The following PPARGC1A variants were observed in gnomAD, a reference collection of about 807,000 sequenced individuals.
PPARGC1A encodes peroxisome proliferator-activated receptor gamma coactivator 1-alpha.
In PPARGC1A, 25 loss-of-function variants were observed where a neutral mutation model predicts 88.7. The ratio of observed to expected loss-of-function variants is 0.28; its 90% CI spans 0.21 to 0.39. PPARGC1A has a LOEUF of 0.39. PPARGC1A is among the 10% of genes least tolerant of loss of function. PPARGC1A has a pLI of 1.00. For synonymous variants in PPARGC1A, 363 were observed against 355.6 expected, an observed-to-expected ratio of 1.02 and a Z score of -0.24; for missense variants, 880 against 968.7, an observed-to-expected ratio of 0.91 and a Z score of 1.22.
chr4:24,211,898 C>G, the PPARGC1A span, among the ~76,000 whole-genome samples: 3 of 152,228 alleles, frequency 2.0e-5, no homozygotes, highest in South Asian at 6.2e-4. Flanking sequence ...ATGCTATTTC[C>G]TACTGTTTCA....
At chr4:23,895,201 C>A (rs1718402928) in intron 1 of PPARGC1A, among the ~76,000 whole-genome samples, 1 of 141,802 alleles carries the variant, frequency 7.1e-6, no homozygotes. Flanking sequence ...TCCCGTGATA[C>A]TTATTTTTTA....
the PPARGC1A span, among the ~76,000 whole-genome samples, chr4:24,041,621 GT>G: frequency 6.6e-6 from 1 of 152,018 alleles, no homozygotes; most frequent in East Asian, 1.9e-4. Flanking sequence ...CCTGTTGAGG[GT>G]TACACACCCC....
At chr4:24,326,596 T>C in the PPARGC1A span, among the ~76,000 whole-genome samples, 1 of 152,196 alleles carries the variant, frequency 6.6e-6, no homozygotes, top group African/African-American at 2.4e-5. Flanking sequence ...ACAGCCCCCA[T>C]TACTTCAGTC....
At chr4:24,195,393 C>T in the PPARGC1A span, among the ~76,000 whole-genome samples, 1 of 152,134 alleles carries the variant, frequency 6.6e-6, no homozygotes, top group East Asian at 1.9e-4. Flanking sequence ...ATTATGTCTG[C>T]CAGAAGTTCT....
At chr4:24,337,430 G>C in the PPARGC1A span, among the ~76,000 whole-genome samples, 1 of 152,132 alleles carries the variant, frequency 6.6e-6, no homozygotes, top group South Asian at 2.1e-4. Context: ...TAACTTACAT[G>C]AACAATGGTG....
the PPARGC1A span, among the ~76,000 whole-genome samples, chr4:24,318,144 A>T: frequency 6.6e-6 from 1 of 152,226 alleles, no homozygotes; most frequent in Non-Finnish European, 1.5e-5. Flanking sequence ...ATGATTTGTC[A>T]AATGAAGTAC....
rs1723495794 is a variant in PPARGC1A at position 23,824,172 on chromosome 4, C to CTTTGTTAA, written c.877+100_877+107dup. On this transcript the variant is annotated intron_variant, in intron 7 of 12. Coordinates refer to ENST00000264867, the MANE Select transcript of PPARGC1A (RefSeq NM_013261.5). Reference sequence around the variant, plus strand: ...ATAACTTCTTATCCAATTTTGTATTCTTTGTTAATTTCATTAACCACATAG... The same window carrying CTTTGTTAA: ...ATAACTTCTTATCCAATTTTGTATTCTTTGTTAATTTGTTAATTTCATTAACCACATAG... 5.9e-6 allele frequency: 5 copies of CTTTGTTAA among 851,790 alleles called. No individual in the cohort carries two copies. In the East Asian group the frequency reaches 1.3e-4, roughly 23 times the overall value. 52.8% of individuals were successfully genotyped at this position (851,790 alleles called of 1,614,324 possible).
At chr4:24,105,113 GT>G in the PPARGC1A span, among the ~76,000 whole-genome samples, 1 of 152,180 alleles carries the variant, frequency 6.6e-6, no homozygotes, top group African/African-American at 2.4e-5. Context: ...TATGCCTCGA[GT>G]CACACACAAC....
At chr4:23,916,707 C>G in the PPARGC1A span, among the ~76,000 whole-genome samples, 1 of 152,150 alleles carries the variant, frequency 6.6e-6, no homozygotes, top group Non-Finnish European at 1.5e-5. Context: ...CATTCACAGA[C>G]AGTTAAGTTG....
the PPARGC1A span, among the ~76,000 whole-genome samples, chr4:24,143,778 G>A: frequency 6.6e-6 from 1 of 152,164 alleles, no homozygotes; most frequent in Non-Finnish European, 1.5e-5. Flanking sequence ...ACACAGACAT[G>A]GCCCCTGTTG....
the PPARGC1A span, among the ~76,000 whole-genome samples, chr4:23,991,535 G>T: frequency 6.6e-6 from 1 of 151,972 alleles, no homozygotes; most frequent in African/African-American, 2.4e-5. Context: ...GATCATAAAA[G>T]GAAAAGCTGG....
chr4:24,356,005 T>G, the PPARGC1A span, among the ~76,000 whole-genome samples: 8 of 152,048 alleles, frequency 5.3e-5, no homozygotes, highest in Non-Finnish European at 1.0e-4. Context: ...AAGACCAGCC[T>G]GGCCAACATA....
chr4:24,373,674 A>G, the PPARGC1A span, among the ~76,000 whole-genome samples: 1 of 152,216 alleles, frequency 6.6e-6, no homozygotes, highest in East Asian at 1.9e-4. Flanking sequence ...AGGAGAGCAC[A>G]GGATTAAGAT....
chr4:24,440,848 C>G, the PPARGC1A span, among the ~76,000 whole-genome samples: 8 of 151,964 alleles, frequency 5.3e-5, no homozygotes, highest in Admixed American at 3.3e-4. Flanking sequence ...TATTTAATTG[C>G]CAACATTTAA....
the PPARGC1A span, among the ~76,000 whole-genome samples, chr4:24,336,056 T>C: frequency 6.6e-6 from 1 of 152,114 alleles, no homozygotes; most frequent in African/African-American, 2.4e-5. Context: ...TTTCCCCCGT[T>C]TTTATGCCTC....
At chr4:24,206,020 A>G in the PPARGC1A span, among the ~76,000 whole-genome samples, 1 of 152,190 alleles carries the variant, frequency 6.6e-6, no homozygotes, top group East Asian at 1.9e-4. Context: ...GAAGGCAACT[A>G]TATCTCCATT....
chr4:24,418,514 C>G, the PPARGC1A span, among the ~76,000 whole-genome samples: 19 of 152,056 alleles, frequency 1.2e-4, no homozygotes, highest in African/African-American at 4.6e-4. Flanking sequence ...ATTATCAAGT[C>G]ATTTTCTAAA....
At chr4:24,301,443 TTTA>T in the PPARGC1A span, among the ~76,000 whole-genome samples, 3 of 152,082 alleles carry the variant, frequency 2.0e-5, no homozygotes, top group African/African-American at 7.2e-5. Context: ...CTGACATAAT[TTTA>T]TTGACAGAGA....
At chr4:24,193,031 C>T in the PPARGC1A span, among the ~76,000 whole-genome samples, 1 of 152,078 alleles carries the variant, frequency 6.6e-6, no homozygotes, top group Non-Finnish European at 1.5e-5. Context: ...GAGGAGATAT[C>T]TAGATCAATT....
Sources: gnomAD v4.1 joint callset for allele counts (sites outside exome capture counted in the v4.1 genomes callset) on GRCh38, gnomAD v4.1.1 for gene constraint, MANE v1.5 for transcripts, NCBI Gene and HGNC (gene_info 2026-07-23, HGNC 2026-07-21) for gene names.